The following HSP90AA1 variants were observed in gnomAD, a reference collection of about 807,000 sequenced individuals.
HSP90AA1 encodes the protein heat shock protein 90 alpha family class A member 1, also known as heat shock protein HSP 90-alpha.
Under a neutral mutation model 73.3 loss-of-function variants are expected in HSP90AA1, and 18 were observed. The observed-to-expected ratio is 0.25, with a 90% CI of 0.17 to 0.36. The LOEUF is 0.36. Ranked by LOEUF, HSP90AA1 falls within the 10% of genes least tolerant of loss-of-function variation. The pLI, the probability that HSP90AA1 is intolerant of heterozygous loss-of-function variation, is 1.00. For synonymous variants in HSP90AA1, 477 were observed against 296.9 expected, an observed-to-expected ratio of 1.61 and a Z score of -6.24; for missense variants, 704 against 874.2, an observed-to-expected ratio of 0.81 and a Z score of 2.45.
chr14:102,105,424 G>T (rs1217598945), intron 1 of HSP90AA1, among the ~76,000 whole-genome samples: 1 of 152,088 alleles, frequency 6.6e-6, no homozygotes, highest in South Asian at 2.1e-4. Context: ...ACGAGAAAAG[G>T]CTTCCCAAAG....
At chr14:102,135,001 G>C (rs1237374967) in intron 1 of HSP90AA1, among the ~76,000 whole-genome samples, 1 of 149,592 alleles carries the variant, frequency 6.7e-6, no homozygotes, top group Admixed American at 6.6e-5. Flanking sequence ...AGATTAGTTA[G>C]ATACAGAGTT....
At chr14:102,139,689 G>C, upstream of HSP90AA1, 1 of 676,058 alleles carries the variant, frequency 1.5e-6, no homozygotes. Flanking sequence ...CCACACCCGG[G>C]GGAGGAGCCT....
intron 1 of HSP90AA1, among the ~76,000 whole-genome samples, chr14:102,131,586 C>G (rs923412158): frequency 6.6e-6 from 1 of 152,208 alleles, no homozygotes; most frequent in Non-Finnish European, 1.5e-5. Flanking sequence ...GCCTCGGGGT[C>G]TCTGCTCTAG....
chr14:102,139,749 C>G (rs138455240), upstream of HSP90AA1: 1 of 957,964 alleles, frequency 1.0e-6, no homozygotes, highest in Non-Finnish European at 1.5e-6. Flanking sequence ...CCTGCGCAGT[C>G]GGGCCGTAAA....
intron 1 of HSP90AA1, among the ~76,000 whole-genome samples, chr14:102,133,485 C>CG (rs1555364686): frequency 7.4e-6 from 1 of 134,310 alleles, no homozygotes; most frequent in Non-Finnish European, 1.6e-5. Context: ...TAAACTAGTT[C>CG]TTTTTTTTTT....
Position 102,084,902 on chromosome 14 carries a change from C to G in HSP90AA1, c.760G>C (p.Asp254His), listed in dbSNP as rs747105301. ...EKEKEEKESE[D>H]KPEIEDVGSD... is the part of the protein sequence containing the mutation. ...CCAACATCTTCAATTTCAGGTTTGT[C>G]TTCCGACTCTTTCTCTTCTTTTTCT... Residue 254 changes from aspartate to histidine, a missense_variant, in exon 5 of 11, where the codon GAC becomes CAC. Coordinates refer to ENST00000216281, the MANE Select transcript of HSP90AA1 (RefSeq NM_005348.4). 13 of 1,573,694 alleles carry G rather than the reference C, an allele frequency of 8.3e-6. No homozygotes were observed. The highest frequency in any genetic ancestry group is 1.1e-5 in the Non-Finnish European group (13 of 1,143,966).
chr14:102,092,160 C>T (rs545722732), intron 2 of HSP90AA1, among the ~76,000 whole-genome samples: 97 of 152,026 alleles, frequency 6.4e-4, no homozygotes, highest in African/African-American at 2.3e-3. Flanking sequence ...CCTCCGCCTC[C>T]TGGGTTCAAG....
At chr14:102,114,752 C>T (rs1159508300) in intron 1 of HSP90AA1, among the ~76,000 whole-genome samples, 1 of 152,118 alleles carries the variant, frequency 6.6e-6, no homozygotes. Flanking sequence ...GTAATCCCGG[C>T]ACTTTGGGAG....
upstream of HSP90AA1, chr14:102,087,172 A>C (rs1181900178): frequency 1.0e-6 from 1 of 981,096 alleles, no homozygotes; most frequent in African/African-American, 1.8e-5. Flanking sequence ...GCGCCTACGC[A>C]TGCGCCGTTG....
rs1431305346 is a variant in HSP90AA1, at chr14:102,084,974, C to T, written c.688G>A (p.Val230Ile). 5 of 1,612,554 alleles carry T rather than the reference C, an allele frequency of 3.1e-6. No homozygotes were observed. The highest frequency in any genetic ancestry group is 2.2e-5 in the East Asian group (1 of 44,882). ...LFVEKERDKE[V>I]SDDEAEEKED... ...TTTTCTTCAGCCTCATCATCGCTTACTTCTTTATCACGTTCCTTCTCCACC... is the reference window on the plus strand; with the variant it reads ...TTTTCTTCAGCCTCATCATCGCTTATTTCTTTATCACGTTCCTTCTCCACC... Residue 230 changes from valine (V) to isoleucine (I), a missense_variant, in exon 5 of 11, where the codon GTA (valine) becomes ATA (isoleucine). Coordinates refer to ENST00000216281, the MANE Select transcript of HSP90AA1 (RefSeq NM_005348.4).
intron 1 of HSP90AA1, among the ~76,000 whole-genome samples, chr14:102,114,315 C>G (rs774729242): frequency 6.6e-6 from 1 of 152,180 alleles, no homozygotes; most frequent in Non-Finnish European, 1.5e-5. Flanking sequence ...TTATTTTGAT[C>G]TCTAAGTCAC....
At position 102,083,667 on chromosome 14, in the gene HSP90AA1, A is replaced by G. The variant is rs1239011338; in HGVS notation, c.1365T>C (p.Asn455=). ...IKLGIHEDSQ[N]RKKLSELLRY... ...TTAACAGCTCTGAAAGCTTCTTCCG[A>G]TTTTGAGAGTCTTCGTGTATTCCAA... The change falls in exon 8 of 11, where the codon AAT becomes AAC. Residue 455 remains asparagine, a synonymous_variant. Coordinates refer to ENST00000216281, the MANE Select transcript of HSP90AA1 (RefSeq NM_005348.4). 6.2e-7 allele frequency: 1 copy of G among 1,612,586 alleles called. No individual in the cohort carries two copies. Among genetic ancestry groups the G allele is most frequent in the East Asian group, 2.2e-5 (1 of 44,802 alleles).
chr14:102,085,139 T>A (rs766334786), intron 4 of HSP90AA1, 141 bp from the exon 5 acceptor site: 2 of 1,483,690 alleles, frequency 1.3e-6, no homozygotes, highest in African/African-American at 2.8e-5. Context: ...ATTTGATACA[T>A]CCACTTAATA....
At chr14:102,136,217 C>G (rs1033643820) in intron 1 of HSP90AA1, among the ~76,000 whole-genome samples, 9 of 152,120 alleles carry the variant, frequency 5.9e-5, no homozygotes, top group African/African-American at 1.9e-4. Context: ...CATAATGATT[C>G]AAGTTTGAAA....
At chr14:102,108,313 T>C (rs1031593907) in intron 1 of HSP90AA1, among the ~76,000 whole-genome samples, 1 of 150,098 alleles carries the variant, frequency 6.7e-6, no homozygotes, top group Non-Finnish European at 1.5e-5. Context: ...TTGCCCAGGC[T>C]GGACTTGGAC....
rs141409138 is a variant in HSP90AA1, at chr14:102,083,058, G to C, written c.1731C>G (p.Asp577Glu). 6.8e-6 allele frequency: 11 copies of C among 1,613,684 alleles called. No individual in the cohort carries two copies. Among genetic ancestry groups the C allele is most frequent in the Non-Finnish European group, 8.5e-6 (10 of 1,179,734 alleles). ...CCTTTTCAACTTTTTTCTCCAATATGTCTTTCATGATTTTGCAGAGGTTCT... is the reference window on the plus strand; with the variant it reads ...CCTTTTCAACTTTTTTCTCCAATATCTCTTTCATGATTTTGCAGAGGTTCT... The part of the protein sequence containing the change: ...KFENLCKIMK[D>E]ILEKKVEKVV... The change falls in exon 9 of 11, where the codon GAC becomes GAG. Residue 577 changes from aspartate (D) to glutamate (E), a missense_variant. Transcript: ENST00000216281.
In HSP90AA1 at chr14:102,083,092, G is replaced by A; in HGVS notation, c.1697C>T (p.Thr566Ile). Residue 566 changes from threonine (T) to isoleucine (I), a missense_variant, in exon 9 of 11, where the codon ACA becomes ATA. Thr to Ile is a moderately conservative substitution (Grantham distance 89). Coordinates refer to ENST00000216281, the MANE Select transcript of HSP90AA1 (RefSeq NM_005348.4). ...EEKKKQEEKK[T>I]KFENLCKIMK... ...GATTTTGCAGAGGTTCTCAAACTTT[G>A]TTTTTTTCTCTTCCTGCTTCTTTTT... 1 of 1,613,692 alleles carries A rather than the reference G, an allele frequency of 6.2e-7. No homozygotes were observed. The highest frequency in any genetic ancestry group is 8.5e-7 in the Non-Finnish European group (1 of 1,179,718).
At chr14:102,100,966 A>G (rs1268427868) in intron 2 of HSP90AA1, among the ~76,000 whole-genome samples, 1 of 152,124 alleles carries the variant, frequency 6.6e-6, no homozygotes, top group Non-Finnish European at 1.5e-5. Flanking sequence ...TTACCCACAA[A>G]TCACAAAGCT....
intron 1 of HSP90AA1, among the ~76,000 whole-genome samples, chr14:102,113,742 G>A (rs549948710): frequency 2.7e-5 from 4 of 149,910 alleles, no homozygotes; most frequent in East Asian, 2.0e-4. Flanking sequence ...ACGGAGTCTC[G>A]CTCTGTCGCC....
Sources: gnomAD v4.1 joint callset for allele counts (sites outside exome capture counted in the v4.1 genomes callset) on GRCh38, gnomAD v4.1.1 for gene constraint, MANE v1.5 for transcripts, NCBI Gene and HGNC (gene_info 2026-07-23, HGNC 2026-07-21) for gene names.